Variants in RARB observed in about 807,000 individuals in gnomAD.
RARB encodes the protein HBV-activated protein.
Under a neutral mutation model 51.9 loss-of-function variants are expected in RARB, and 17 were observed. That is an observed-to-expected ratio of 0.33 (90% CI 0.22 to 0.49). The LOEUF (loss-of-function observed/expected upper bound fraction) is 0.49. RARB is among the 20% of genes least tolerant of loss of function. The pLI, the probability that RARB is intolerant of heterozygous loss-of-function variation, is 0.99. For missense variants in RARB, 369 were observed against 550.8 expected (o/e 0.67, Z 3.30); for synonymous variants, 215 against 195.4 (o/e 1.10, Z -0.84).
chr3:25,229,390 A>T (rs1159194731), intron 5 of RARB, among the ~76,000 whole-genome samples: 1 of 152,164 alleles, frequency 6.6e-6, no homozygotes, highest in African/African-American at 2.4e-5. Flanking sequence ...GAATTTGATA[A>T]GTACAAAAAA....
chr3:25,453,571 G>A (rs1290197965), intron 1 of RARB, among the ~76,000 whole-genome samples: 2 of 152,044 alleles, frequency 1.3e-5, no homozygotes, highest in African/African-American at 4.8e-5. Context: ...AAGTTTCCAG[G>A]TGATGCTGAT....
At chr3:25,308,801 C>G (rs1248860097) in intron 5 of RARB, among the ~76,000 whole-genome samples, 2 of 151,914 alleles carry the variant, frequency 1.3e-5, no homozygotes, top group African/African-American at 2.4e-5. Flanking sequence ...TTTTTTGTTC[C>G]TCTTGTGGCA....
At chr3:24,863,708 C>CTT (rs747890755) in intron 2 of RARB, among the ~76,000 whole-genome samples, 66 of 143,692 alleles carry the variant, frequency 4.6e-4, no homozygotes, top group African/African-American at 1.5e-3. Context: ...ACAAGTTTGA[C>CTT]TTTTTTTTTT....
At chr3:25,123,030 T>C (rs1699808946) in intron 3 of RARB, among the ~76,000 whole-genome samples, 2 of 152,168 alleles carry the variant, frequency 1.3e-5, no homozygotes, top group Admixed American at 6.6e-5. Flanking sequence ...TAAAAACTGC[T>C]GTTCTGATGA....
chr3:25,305,203 G>T (rs1003131420), intron 5 of RARB, among the ~76,000 whole-genome samples: 2 of 152,032 alleles, frequency 1.3e-5, no homozygotes, highest in African/African-American at 4.8e-5. Flanking sequence ...AAGGAGCCCA[G>T]TACTCTATTT....
chr3:24,910,654 A>G (rs777632579), intron 2 of RARB, among the ~76,000 whole-genome samples: 4 of 152,102 alleles, frequency 2.6e-5, no homozygotes, highest in African/African-American at 4.8e-5. Context: ...CTCAATATTG[A>G]ATTTGGAGAC....
At chr3:25,256,927 G>T (rs1009541943) in intron 5 of RARB, among the ~76,000 whole-genome samples, 28 of 152,072 alleles carry the variant, frequency 1.8e-4, no homozygotes, top group African/African-American at 6.8e-4. Context: ...ACATCATCAA[G>T]AACTTGGAAG....
At chr3:25,479,306 A>G (rs941386735) in intron 2 of RARB, among the ~76,000 whole-genome samples, 6 of 152,224 alleles carry the variant, frequency 3.9e-5, no homozygotes, top group Admixed American at 6.5e-5. Context: ...TGGTAATACC[A>G]TATTATGAAA....
intron 5 of RARB, chr3:25,345,812 T>C: frequency 1.8e-6 from 1 of 564,830 alleles, no homozygotes; most frequent in Non-Finnish European, 2.2e-6. Flanking sequence ...TGAAATGAAC[T>C]GTATCAGTTA....
At position 24,984,396 on chromosome 3, in the gene RARB, T is replaced by C. The variant is rs374673741; in HGVS notation, c.-379-75729T>C. On this transcript the variant is annotated intron_variant, in intron 2 of 11. Transcript: ENST00000383772. The stretch of plus-strand genomic sequence containing the variant: ...AGCACTGTGTTAAGCGCTGAGAATA[T>C]TTGTAGGAAAGGATAGGAAAAGAGA... Among the ~76,000 whole-genome samples, 23 of 152,322 alleles carry C rather than the reference T, an allele frequency of 1.5e-4. 1 individual carries two copies. In the South Asian group the frequency reaches 4.6e-3, roughly 30 times the overall value.
chr3:25,585,674 G>A (rs1427463759), intron 5 of RARB, among the ~76,000 whole-genome samples: 1 of 152,230 alleles, frequency 6.6e-6, no homozygotes, highest in Non-Finnish European at 1.5e-5. Flanking sequence ...AGCAGCGAGA[G>A]GGTCCTTCCT....
At chr3:25,204,936 C>T (rs900824875) in intron 5 of RARB, among the ~76,000 whole-genome samples, 1 of 152,226 alleles carries the variant, frequency 6.6e-6, no homozygotes, top group Non-Finnish European at 1.5e-5. Flanking sequence ...GGGAGAACCA[C>T]TACTCTCTTC....
At chr3:25,282,099 AAG>A (rs1703537189) in intron 5 of RARB, among the ~76,000 whole-genome samples, 2 of 152,228 alleles carry the variant, frequency 1.3e-5, no homozygotes, top group South Asian at 4.1e-4. Context: ...TAGTAAAGGA[AAG>A]AGAGAACATT....
intron 3 of RARB, among the ~76,000 whole-genome samples, chr3:25,512,427 A>T (rs1697941040): frequency 6.6e-6 from 1 of 152,224 alleles, no homozygotes; most frequent in Non-Finnish European, 1.5e-5. Flanking sequence ...ATGGCACTTC[A>T]TCGCTTACAC....
intron 2 of RARB, among the ~76,000 whole-genome samples, chr3:24,961,573 T>C (rs960874064): frequency 1.4e-5 from 2 of 147,382 alleles, no homozygotes; most frequent in Non-Finnish European, 3.0e-5. Context: ...TATGAGACTT[T>C]CCAGGTTGTT....
chr3:25,053,179 C>T (rs1440883923), intron 2 of RARB, among the ~76,000 whole-genome samples: 2 of 152,014 alleles, frequency 1.3e-5, no homozygotes, highest in African/African-American at 4.8e-5. Context: ...ATAGCAGCAC[C>T]CCTGGACTAC....
At chr3:24,943,447 CA>C (rs779811191) in intron 2 of RARB, among the ~76,000 whole-genome samples, 2 of 152,010 alleles carry the variant, frequency 1.3e-5, no homozygotes, top group Non-Finnish European at 2.9e-5. Flanking sequence ...AAAAAGATTC[CA>C]AATCTCCAAT....
At chr3:25,063,229 A>G (rs190899481) in intron 3 of RARB, among the ~76,000 whole-genome samples, 2 of 152,072 alleles carry the variant, frequency 1.3e-5, no homozygotes, top group Non-Finnish European at 2.9e-5. Flanking sequence ...AAATCATACA[A>G]ATTGTATTTT....
At chr3:25,133,830 AG>A (rs869289778) in intron 4 of RARB, among the ~76,000 whole-genome samples, 1 of 98,274 alleles carries the variant, frequency 1.0e-5, no homozygotes, top group East Asian at 4.0e-4. Flanking sequence ...TGACACAAGG[AG>A]GGGGGAAGGA....
Sources: allele counts gnomAD v4.1 joint callset (sites outside exome capture counted in the v4.1 genomes callset), GRCh38; gene constraint gnomAD v4.1.1; transcripts MANE v1.5; gene names NCBI Gene and HGNC (gene_info 2026-07-23, HGNC 2026-07-21).